JADE1: variants seen among roughly 807,000 people sequenced by gnomAD.
JADE1 encodes protein Jade-1.
A neutral mutation model predicts 81.8 loss-of-function variants in JADE1; 14 were observed. That is an observed-to-expected ratio of 0.17 (90% CI 0.11 to 0.27). The LOEUF is 0.27. Among genes scored for constraint, JADE1 ranks in the 10% least tolerant of loss-of-function variants. The probability of loss-of-function intolerance (pLI) is 1.00; values close to 1 mark genes in which losing one functional copy is unlikely to be tolerated. For synonymous variants in JADE1, 353 were observed against 391.9 expected, an observed-to-expected ratio of 0.90 and a Z score of 1.17; for missense variants, 690 against 1,047.9, an observed-to-expected ratio of 0.66 and a Z score of 4.71.
In JADE1 at chr4:128,874,464, A is replaced by C. The variant is rs1403599098; in HGVS notation, c.*2202A>C. 6.6e-6 allele frequency: 1 copy of C among 152,178 alleles called. No homozygotes were observed. The highest frequency in any genetic ancestry group is 6.6e-5 in the Admixed American group (1 of 15,218). 9.4% of individuals were successfully genotyped at this position (152,178 alleles called of 1,614,324 possible). A position where few individuals can be genotyped will look rare whatever the true frequency, so the allele number is the denominator to read the frequency against. On this transcript the variant is annotated 3_prime_UTR_variant, in exon 11 of 11. Transcript: ENST00000226319. ...GAAAAGCTTTCAAATGTTCCAAGTT[A>C]TGCTGAACCAAAAAAAACAAAACAA...
At chr4:128,827,483 G>A (rs528443001) in intron 1 of JADE1, among the ~76,000 whole-genome samples, 1 of 152,300 alleles carries the variant, frequency 6.6e-6, no homozygotes, top group South Asian at 2.1e-4. Context: ...TAAGCAGAGT[G>A]TTCAGGGAAG....
chr4:128,820,265 C>T lies in JADE1; in HGVS notation c.-27+10388C>T, dbSNP rs112062298. Among the ~76,000 whole-genome samples, 33 of 152,238 alleles carry T rather than the reference C, an allele frequency of 2.2e-4. 1 individual carries two copies. The highest frequency in any genetic ancestry group is 7.5e-4 in the African/African-American group (31 of 41,544). ...TAGCTGGGATTACAGGCATGTGCCA[C>T]CATGCCTGGCTAATTTTTGTATTTT... On this transcript the variant is annotated intron_variant, in intron 1 of 10. Transcript: ENST00000226319.
chr4:128,834,764 G>A lies in JADE1; in HGVS notation c.52+2954G>A, dbSNP rs375987924. ...TTAGCCAGGATGGTCTTGATCTCCT[G>A]ACCTCATGATCTGCCCACCTTCTGC... On this transcript the variant is annotated intron_variant, in intron 2 of 10. Transcript: ENST00000226319. Among the ~76,000 whole-genome samples the A allele has an allele frequency of 5.9e-5, 9 of 151,940 alleles. No homozygotes were observed. In the East Asian group the frequency reaches 1.7e-3, roughly 29 times the overall value.
intron 1 of JADE1, chr4:128,811,865 T>C (rs996639664): frequency 2.0e-5 from 3 of 151,760 alleles, no homozygotes; most frequent in African/African-American, 7.3e-5. Flanking sequence ...TCCAGAACTG[T>C]CTGGGGGCGG....
At chr4:128,835,528 T>C (rs2125834753) in intron 2 of JADE1, among the ~76,000 whole-genome samples, 1 of 152,324 alleles carries the variant, frequency 6.6e-6, no homozygotes, top group South Asian at 2.1e-4. Context: ...CTGCTGTCCC[T>C]GCTTTCAGGT....
rs371320173 is a variant in JADE1, at chr4:128,842,983, G to A, written c.83G>A (p.Arg28Gln). 1.1e-5 allele frequency: 17 copies of A among 1,613,836 alleles called. No homozygotes were observed. The African/African-American group carries it at 1.2e-4, about 11-fold the overall frequency. ...TCAACTACTTGGTCCCAGAATTCCC[G>A]ATCCCAGCATAGGAGAAGCTCCTGC... ...SLSTTWSQNS[R>Q]SQHRRSSCSR... The change falls in exon 3 of 11, where the codon CGA becomes CAA. Residue 28 changes from arginine (R) to glutamine (Q), a missense_variant. By Grantham distance (43) the Arg-to-Gln change is conservative. Coordinates refer to ENST00000226319, the MANE Select transcript of JADE1 (RefSeq NM_199320.4).
At chr4:128,842,446 C>G (rs1729516916) in intron 2 of JADE1, among the ~76,000 whole-genome samples, 1 of 152,086 alleles carries the variant, frequency 6.6e-6, no homozygotes, top group African/African-American at 2.4e-5. Context: ...ATTACAGGTG[C>G]CTGCCACCAC....
intron 2 of JADE1, among the ~76,000 whole-genome samples, chr4:128,842,547 G>A (rs749540207): frequency 2.4e-4 from 36 of 152,164 alleles, no homozygotes; most frequent in Non-Finnish European, 4.4e-4. Context: ...TGGTCCACCT[G>A]CCTTGGCTTC....
chr4:128,809,766 G>C lies in JADE1; in HGVS notation c.-138G>C, dbSNP rs1054469613. The C allele has an allele frequency of 6.6e-6, 1 of 152,098 alleles. No homozygotes were observed. Among genetic ancestry groups the C allele is most frequent in the Non-Finnish European group, 1.5e-5 (1 of 68,064 alleles). The allele number at this position is 152,098 out of a possible 1,614,324, so 9.4% of individuals were successfully genotyped here. ...CGCGAGTGCCCGGTGTGTGCGCGCCGGCGAGAGCAGGGGCCCGCCCGGCTC... is the reference window on the plus strand; with the variant it reads ...CGCGAGTGCCCGGTGTGTGCGCGCCCGCGAGAGCAGGGGCCCGCCCGGCTC... On this transcript the variant is annotated 5_prime_UTR_variant, in exon 1 of 11. Coordinates refer to ENST00000226319, the MANE Select transcript of JADE1 (RefSeq NM_199320.4).
intron 6 of JADE1, among the ~76,000 whole-genome samples, chr4:128,854,882 T>G (rs1730658732): frequency 6.6e-6 from 1 of 152,262 alleles, no homozygotes; most frequent in Non-Finnish European, 1.5e-5. Context: ...TCTTGTTTAA[T>G]TTTGCCATCT....
chr4:128,833,588 G>A (rs1728728779), intron 2 of JADE1, among the ~76,000 whole-genome samples: 1 of 152,138 alleles, frequency 6.6e-6, no homozygotes, highest in South Asian at 2.1e-4. Context: ...CAGCTACTCG[G>A]GAGGCTGAGG....
At chr4:128,854,025 G>T (rs893389954) in intron 6 of JADE1, among the ~76,000 whole-genome samples, 3 of 152,152 alleles carry the variant, frequency 2.0e-5, no homozygotes, top group Non-Finnish European at 4.4e-5. Context: ...TTGGTTGCTG[G>T]TGCTTCATGT....
At chr4:128,811,827 C>T (rs1317131521) in intron 1 of JADE1, 1 of 152,006 alleles carries the variant, frequency 6.6e-6, no homozygotes, top group Admixed American at 6.5e-5. Flanking sequence ...CGCCGGATGG[C>T]TTCCTGTGAC....
intron 1 of JADE1, among the ~76,000 whole-genome samples, chr4:128,816,849 A>G (rs1356988904): frequency 6.6e-6 from 1 of 151,464 alleles, no homozygotes; most frequent in Non-Finnish European, 1.5e-5. Context: ...TTTTGGGCTT[A>G]CTTGTTGAGG....
rs879049823 is a variant in JADE1, at chr4:128,875,003, TGAAAA to T, written c.*2742_*2746del. 1.5e-5 allele frequency: 2 copies of T among 132,108 alleles called. No individual in the cohort carries two copies. The highest frequency in any genetic ancestry group is 4.4e-4 in the South Asian group (2 of 4,594). The allele number at this position is 132,108 out of a possible 1,614,324, so 8.2% of individuals were successfully genotyped here. A position where few individuals can be genotyped will look rare whatever the true frequency, so the allele number is the denominator to read the frequency against. On this transcript the variant is annotated 3_prime_UTR_variant, in exon 11 of 11. Transcript: ENST00000226319. ...AGCTTGGTGTCCATTCAGCTAAAAT[TGAAAA>T]AAAAAAAAAGGTGCATGAAGAGTTA...
In JADE1 at chr4:128,867,985, GC is replaced by G; in HGVS notation, c.1621+15del. 6.8e-7 allele frequency: 1 copy of G among 1,472,134 alleles called. No individual in the cohort carries two copies. The highest frequency in any genetic ancestry group is 9.5e-7 in the Non-Finnish European group (1 of 1,051,410). The allele number at this position is 1,472,134 out of a possible 1,614,324, so 91.2% of individuals were successfully genotyped here. On this transcript the variant is annotated intron_variant, in intron 10 of 10. Coordinates refer to ENST00000226319, the MANE Select transcript of JADE1 (RefSeq NM_199320.4). ...AGAAAGAGTTTCAGGTATGCATTAA[GC>G]CCTGGTAGGTCAAAGTATAGGGCAG...
intron 9 of JADE1, chr4:128,862,602 G>C (rs1222490552): frequency 1.9e-6 from 2 of 1,046,422 alleles, no homozygotes; most frequent in African/African-American, 1.7e-5. Context: ...GACTGATTTA[G>C]AAAACCAGAA....
rs773296670 is a variant in JADE1, at chr4:128,846,547, A to T, written c.296+15A>T. 76 of 1,613,588 alleles carry T rather than the reference A, an allele frequency of 4.7e-5. No individual in the cohort carries two copies. The East Asian group carries it at 1.5e-3, about 32-fold the overall frequency. ...CCTGTGGCCAGGTAGAGATGCCCTG[A>T]GGACAGAAGCCTCTCCACCCACCCT... On this transcript the variant is annotated intron_variant, in intron 4 of 10. Transcript: ENST00000226319. This position sits in a 1 kb window ranked among gnomAD's most constrained non-coding sequence, Gnocchi z 4.0.
At chr4:128,836,669 A>G (rs1203789321) in intron 2 of JADE1, among the ~76,000 whole-genome samples, 1 of 151,872 alleles carries the variant, frequency 6.6e-6, no homozygotes, top group African/African-American at 2.4e-5. Flanking sequence ...AACATCAAGT[A>G]ACCTTGTTTT....
Sources: allele counts gnomAD v4.1 joint callset (sites outside exome capture counted in the v4.1 genomes callset), GRCh38; gene constraint gnomAD v4.1.1; non-coding constraint Gnocchi (gnomAD v3.1); transcripts MANE v1.5; gene names NCBI Gene and HGNC (gene_info 2026-07-23, HGNC 2026-07-21).